PPP2R3A: variants seen among roughly 807,000 people sequenced by gnomAD.
The protein encoded by PPP2R3A is serine/threonine-protein phosphatase 2A regulatory subunit B'' subunit alpha.
A neutral mutation model predicts 106.9 loss-of-function variants in PPP2R3A; 80 were observed. The ratio of observed to expected loss-of-function variants is 0.75; its 90% CI spans 0.62 to 0.90. The LOEUF is 0.90. PPP2R3A is among the 40% of genes least tolerant of loss of function. The pLI is 0.00. For synonymous variants in PPP2R3A, 483 were observed against 468.3 expected (o/e 1.03, Z -0.41); for missense variants, 1,386 against 1,350.4 (o/e 1.03, Z -0.41).
Position 136,078,226 on chromosome 3 carries a change from G to A in PPP2R3A, c.2545-141G>A, listed in dbSNP as rs963228775. 9 of 649,514 alleles carry A rather than the reference G, an allele frequency of 1.4e-5. No individual in the cohort carries two copies. The African/African-American group carries it at 1.5e-4, about 11-fold the overall frequency. 40.2% of individuals were successfully genotyped at this position (649,514 alleles called of 1,614,324 possible). On this transcript the variant is annotated intron_variant, in intron 6 of 13. Coordinates refer to ENST00000264977, the MANE Select transcript of PPP2R3A (RefSeq NM_002718.5). ...GATGTAGATTTAAAAATACAGTGCT[G>A]ATTTTTACTAGGAATTACACTTAAC...
Position 136,002,746 on chromosome 3 carries a change from T to A in PPP2R3A, c.1248T>A (p.Tyr416Ter). The change falls in exon 2 of 14, where the codon TAT becomes TAA. Residue 416 changes from tyrosine to a stop codon, truncating the protein, a stop_gained. Transcript: ENST00000264977. LOFTEE classifies it high-confidence loss of function. Reference sequence around the variant, plus strand: ...CTGACGACTTAATGGAAACTCTTTATATTGAAGAAGAGTCAGATGGAAAGA... The same window carrying A: ...CTGACGACTTAATGGAAACTCTTTAAATTGAAGAAGAGTCAGATGGAAAGA... ...VSSDDLMETL[Y>*]IEEESDGKKA... The A allele has an allele frequency of 6.2e-7, 1 of 1,612,908 alleles. No homozygotes were observed. The highest frequency in any genetic ancestry group is 8.5e-7 in the Non-Finnish European group (1 of 1,179,574).
intron 1 of PPP2R3A, among the ~76,000 whole-genome samples, chr3:135,979,140 A>T (rs1937501811): frequency 6.6e-6 from 1 of 151,698 alleles, no homozygotes; most frequent in African/African-American, 2.4e-5. Flanking sequence ...GCACTTTGGG[A>T]GGCTGAGGCA....
chr3:136,068,560 C>T (rs186362936), intron 5 of PPP2R3A, among the ~76,000 whole-genome samples: 1 of 152,236 alleles, frequency 6.6e-6, no homozygotes, highest in East Asian at 1.9e-4. Flanking sequence ...AGAGACAGCT[C>T]TTCCTTATAG....
intron 4 of PPP2R3A, among the ~76,000 whole-genome samples, chr3:136,046,515 T>C (rs534917246): frequency 2.0e-5 from 3 of 149,886 alleles, no homozygotes; most frequent in Admixed American, 2.0e-4. Flanking sequence ...TCTGAAAGCA[T>C]GCAGAAATAA....
Position 136,090,560 on chromosome 3 carries a change from A to G in PPP2R3A, c.2838-18A>G, listed in dbSNP as rs1341298803. The G allele has an allele frequency of 6.3e-7, 1 of 1,596,692 alleles. No homozygotes were observed. Among genetic ancestry groups the G allele is most frequent in the Non-Finnish European group, 8.6e-7 (1 of 1,164,690 alleles). On this transcript the variant is annotated intron_variant, in intron 9 of 13. Coordinates refer to ENST00000264977, the MANE Select transcript of PPP2R3A (RefSeq NM_002718.5). Reference sequence around the variant, plus strand: ...GAGTAATTGCTCAGGAAATTTTATAACCATGTGTTTTCTTTAGGGGAAAAA... The same window carrying G: ...GAGTAATTGCTCAGGAAATTTTATAGCCATGTGTTTTCTTTAGGGGAAAAA...
At position 136,145,227 on chromosome 3, in the gene PPP2R3A, A is replaced by T; in HGVS notation, c.*61A>T. The T allele has an allele frequency of 6.5e-7, 1 of 1,547,428 alleles. No homozygotes were observed. Among genetic ancestry groups the T allele is most frequent in the African/African-American group, 1.4e-5 (1 of 72,428 alleles). On this transcript the variant is annotated 3_prime_UTR_variant, in exon 14 of 14. Transcript: ENST00000264977. ...TTAAATGTTTCTTTCTTGTGAAGAG[A>T]TGTTCTCGTTTGCATACTGCTTTTT...
At chr3:136,075,575 T>C (rs1269781410) in intron 6 of PPP2R3A, among the ~76,000 whole-genome samples, 1 of 152,144 alleles carries the variant, frequency 6.6e-6, no homozygotes, top group Non-Finnish European at 1.5e-5. Flanking sequence ...AGGCTAAAAA[T>C]AGGAAATGCC....
intron 8 of PPP2R3A, among the ~76,000 whole-genome samples, chr3:136,086,825 T>C (rs775617325): frequency 2.0e-5 from 3 of 152,162 alleles, no homozygotes. Context: ...TGCAGAAGAA[T>C]TCGATGCTGA....
intron 5 of PPP2R3A, among the ~76,000 whole-genome samples, chr3:136,049,611 C>T (rs1935609759): frequency 6.6e-6 from 1 of 152,132 alleles, no homozygotes. Flanking sequence ...AGGGCTACTC[C>T]CACTGAAGCA....
At chr3:136,062,835 G>A (rs543619498) in intron 5 of PPP2R3A, among the ~76,000 whole-genome samples, 27 of 152,136 alleles carry the variant, frequency 1.8e-4, no homozygotes, top group African/African-American at 6.3e-4. Flanking sequence ...CATGAAAATG[G>A]CCATATTGCC....
At chr3:136,067,302 C>G (rs958336789) in intron 5 of PPP2R3A, among the ~76,000 whole-genome samples, 1 of 152,138 alleles carries the variant, frequency 6.6e-6, no homozygotes, top group Admixed American at 6.5e-5. Flanking sequence ...CTTCCACTTG[C>G]AACAAATGGA....
intron 1 of PPP2R3A, among the ~76,000 whole-genome samples, chr3:135,982,994 C>G (rs1359468427): frequency 6.6e-6 from 1 of 152,080 alleles, no homozygotes; most frequent in Non-Finnish European, 1.5e-5. Context: ...TTCCAATTGG[C>G]AAGCTTAGTG....
In PPP2R3A at chr3:136,095,268, A is replaced by G. The variant is rs188487486; in HGVS notation, c.2927+4601A>G. On this transcript the variant is annotated intron_variant, in intron 10 of 13. Transcript: ENST00000264977. ...TCATGAGATCCATAACTGGATTCTCATAGAATGTTACCAACAAAGGTTTTT... is the reference window on the plus strand; with the variant it reads ...TCATGAGATCCATAACTGGATTCTCGTAGAATGTTACCAACAAAGGTTTTT... Among the ~76,000 whole-genome samples the G allele has an allele frequency of 2.6e-5, 4 of 152,338 alleles. No individual in the cohort carries two copies. The East Asian group carries it at 7.7e-4, about 29-fold the overall frequency.
At chr3:136,025,965 A>G (rs1279932009) in intron 2 of PPP2R3A, among the ~76,000 whole-genome samples, 1 of 152,168 alleles carries the variant, frequency 6.6e-6, no homozygotes, top group Non-Finnish European at 1.5e-5. Flanking sequence ...TTCTACCTGA[A>G]TAATGGTGTA....
At chr3:136,010,417 ATTTTTTT>A (rs56962010) in intron 2 of PPP2R3A, among the ~76,000 whole-genome samples, 4 of 51,004 alleles carry the variant, frequency 7.8e-5, no homozygotes, top group Non-Finnish European at 1.1e-4. Flanking sequence ...CGCTCGGCTA[ATTTTTTT>A]TTTTTTTTTT....
chr3:136,008,030 A>G (rs1309203175), intron 2 of PPP2R3A, among the ~76,000 whole-genome samples: 3 of 152,250 alleles, frequency 2.0e-5, no homozygotes, highest in African/African-American at 7.2e-5. Context: ...ATGATCTAAC[A>G]TTTAGGTTTC....
intron 5 of PPP2R3A, among the ~76,000 whole-genome samples, chr3:136,064,583 G>A (rs1172925416): frequency 6.6e-6 from 1 of 151,978 alleles, no homozygotes; most frequent in Non-Finnish European, 1.5e-5. Context: ...CATAATTTTT[G>A]TGTAAATAAA....
intron 13 of PPP2R3A, among the ~76,000 whole-genome samples, chr3:136,142,662 T>G (rs564621904): frequency 1.3e-5 from 2 of 152,298 alleles, no homozygotes; most frequent in Non-Finnish European, 2.9e-5. Context: ...AAGGTCTCCA[T>G]TAGGCTTCAA....
Position 136,146,187 on chromosome 3 carries a change from AAAAG to A in PPP2R3A, c.*1026_*1029del, listed in dbSNP as rs1220749105. On this transcript the variant is annotated 3_prime_UTR_variant, in exon 14 of 14. Transcript: ENST00000264977. ...AGGAAATGGAAAATGATACAGCTAT[AAAAG>A]AAAGCTGTTATTTACTGTAGTTGTA... 4.6e-5 allele frequency: 7 copies of A among 152,156 alleles called. No homozygotes were observed. The highest frequency in any genetic ancestry group is 1.9e-4 in the East Asian group (1 of 5,200). The allele number at this position is 152,156 out of a possible 1,614,324, so 9.4% of individuals were successfully genotyped here. A position where few individuals can be genotyped will look rare whatever the true frequency, so the allele number is the denominator to read the frequency against.
Sources: allele counts gnomAD v4.1 joint callset (sites outside exome capture counted in the v4.1 genomes callset), GRCh38; gene constraint gnomAD v4.1.1; transcripts MANE v1.5; gene names NCBI Gene and HGNC (gene_info 2026-07-23, HGNC 2026-07-21).